Variants in ANTXR2 observed in about 807,000 individuals in gnomAD.
ANTXR2 encodes the protein anthrax toxin receptor 2.
In ANTXR2, 44 loss-of-function variants were observed where a neutral mutation model predicts 73.7. That is an observed-to-expected ratio of 0.60 (90% CI 0.47 to 0.77). The LOEUF is 0.77. Among genes scored for constraint, ANTXR2 ranks in the 30% least tolerant of loss-of-function variants. The probability of loss-of-function intolerance (pLI) is 0.00; values close to 1 mark genes in which losing one functional copy is unlikely to be tolerated. For missense variants in ANTXR2, 604 were observed against 592.5 expected, an observed-to-expected ratio of 1.02 and a Z score of -0.20; for synonymous variants, 217 against 205.9, an observed-to-expected ratio of 1.05 and a Z score of -0.46.
intron 12 of ANTXR2, among the ~76,000 whole-genome samples, chr4:80,005,350 A>T (rs1731252528): frequency 6.6e-6 from 1 of 152,176 alleles, no homozygotes; most frequent in Admixed American, 6.6e-5. Flanking sequence ...AGAAATTTGC[A>T]CAACACCACG....
rs950973441 is a variant in ANTXR2, at chr4:80,051,726, G to T, written c.636+2546C>A. 3.3e-5 allele frequency among the ~76,000 whole-genome samples: 5 copies of T among 151,728 alleles called. No individual in the cohort carries two copies. In the South Asian group the frequency reaches 8.3e-4, roughly 25 times the overall value. ...AACGTGCAGGATGTTCATAACAAAG[G>T]CCTTTTTCAGCCCCTTGATTTTTGA... is the stretch of plus-strand genomic sequence containing the variant. On this transcript the variant is annotated intron_variant, in intron 7 of 16. Transcript: ENST00000403729.
chr4:79,915,852 C>CTATATATATA (rs1394190065), intron 16 of ANTXR2, among the ~76,000 whole-genome samples: 2 of 115,648 alleles, frequency 1.7e-5, no homozygotes, highest in Non-Finnish European at 4.0e-5. Context: ...CTCTCTCTCT[C>CTATATATATA]TCTCTCTCTC....
chr4:80,049,460 T>C (rs56012235), intron 7 of ANTXR2, among the ~76,000 whole-genome samples: 6,795 of 151,716 alleles, frequency 0.045, 187 homozygotes, highest in Middle Eastern at 0.11. Context: ...AAAGAGAATA[T>C]ATATATGTGC....
At chr4:80,033,886 C>A (rs1252557368) in intron 8 of ANTXR2, among the ~76,000 whole-genome samples, 2 of 152,014 alleles carry the variant, frequency 1.3e-5, no homozygotes, top group Non-Finnish European at 2.9e-5. Flanking sequence ...ACTATACAAA[C>A]CTCCTCAACT....
Position 80,003,327 on chromosome 4 carries a change from C to T in ANTXR2, c.1041+5194G>A, listed in dbSNP as rs57340380. Among the ~76,000 whole-genome samples the T allele has an allele frequency of 6.4e-3, 926 of 144,344 alleles. 4 individuals carry two copies. The highest frequency in any genetic ancestry group is 0.022 in the African/African-American group (846 of 39,322). The allele number at this position is 144,344 out of a possible 152,430, so 94.7% of individuals were successfully genotyped here. A position where few individuals can be genotyped will look rare whatever the true frequency, so the allele number is the denominator to read the frequency against. On this transcript the variant is annotated intron_variant, in intron 12 of 16. Transcript: ENST00000403729. The stretch of plus-strand genomic sequence containing the variant: ...ATCGCAAGAACAAAAAACCAAACAC[C>T]GCATATTCTCACTCATAGGTGGGAA...
chr4:80,071,007 G>A (rs1734760811), intron 2 of ANTXR2, among the ~76,000 whole-genome samples: 2 of 152,144 alleles, frequency 1.3e-5, no homozygotes, highest in South Asian at 4.1e-4. Context: ...CTTTTTATAG[G>A]AGAGGAAACC....
intron 7 of ANTXR2, 57 bp downstream of exon 7, chr4:80,054,215 T>G: frequency 1.5e-6 from 2 of 1,358,150 alleles, no homozygotes; most frequent in Middle Eastern, 1.8e-4. Context: ...TTACTTCTTA[T>G]AGATTAAAAA....
chr4:80,000,447 G>T (rs1345453268), intron 12 of ANTXR2, among the ~76,000 whole-genome samples: 2 of 152,004 alleles, frequency 1.3e-5, no homozygotes, highest in African/African-American at 4.8e-5. Flanking sequence ...TAAGAATTGG[G>T]ATAGGTGAAG....
intron 12 of ANTXR2, among the ~76,000 whole-genome samples, chr4:80,007,814 C>T (rs560309737): frequency 6.6e-6 from 1 of 152,152 alleles, no homozygotes; most frequent in Non-Finnish European, 1.5e-5. Flanking sequence ...AAACACATCC[C>T]TTCCAACACA....
intron 16 of ANTXR2, among the ~76,000 whole-genome samples, chr4:79,961,686 C>T (rs1251922202): frequency 2.0e-5 from 3 of 152,156 alleles, no homozygotes; most frequent in Admixed American, 2.0e-4. Context: ...GGGATTCTCT[C>T]ATCTCTGCCT....
rs1726757335 is a variant in ANTXR2 at position 79,902,777 on chromosome 4, A to G, written c.*4652T>C. ...TACAGAACTAATATTACCACACACT[A>G]CAGACAAAGAAGCCAGTCATATTGA... On this transcript the variant is annotated 3_prime_UTR_variant, in exon 17 of 17. Transcript: ENST00000403729. 1 of 151,284 alleles carries G rather than the reference A, an allele frequency of 6.6e-6. No individual in the cohort carries two copies. The highest frequency in any genetic ancestry group is 2.1e-4 in the South Asian group (1 of 4,800). 9.4% of individuals were successfully genotyped at this position (151,284 alleles called of 1,614,324 possible). A position where few individuals can be genotyped will look rare whatever the true frequency, so the allele number is the denominator to read the frequency against.
Position 80,041,157 on chromosome 4 carries a change from G to A in ANTXR2, c.637-5125C>T, listed in dbSNP as rs1347962835. Among the ~76,000 whole-genome samples the A allele has an allele frequency of 2.0e-5, 3 of 152,094 alleles. No individual in the cohort carries two copies. The East Asian group carries it at 5.8e-4, about 30-fold the overall frequency. On this transcript the variant is annotated intron_variant, in intron 7 of 16. Coordinates refer to ENST00000403729, the MANE Select transcript of ANTXR2 (RefSeq NM_058172.6). ...TGATGAGGAAACTGGGGCTTAGAAAGATTTTTTTAACTGCCCTAGAAGAAT... is the reference window on the plus strand; with the variant it reads ...TGATGAGGAAACTGGGGCTTAGAAAAATTTTTTTAACTGCCCTAGAAGAAT...
At chr4:79,990,739 A>C (rs1730431576) in intron 12 of ANTXR2, among the ~76,000 whole-genome samples, 1 of 152,146 alleles carries the variant, frequency 6.6e-6, no homozygotes, top group South Asian at 2.1e-4. Context: ...ACTATGCTAC[A>C]AGGCTAGAGT....
chr4:80,049,609 T>C (rs147115447), intron 7 of ANTXR2, among the ~76,000 whole-genome samples: 88 of 151,818 alleles, frequency 5.8e-4, no homozygotes, highest in African/African-American at 2.0e-3. Context: ...CAAGCTCAAA[T>C]CAACTTCCCC....
At chr4:79,995,115 G>T (rs908008688) in intron 12 of ANTXR2, among the ~76,000 whole-genome samples, 10 of 151,958 alleles carry the variant, frequency 6.6e-5, no homozygotes, top group African/African-American at 2.4e-4. Context: ...ATATGTTGCT[G>T]CACAGTTGAA....
chr4:79,933,735 G>GTTTTTT (rs10689799), intron 16 of ANTXR2, among the ~76,000 whole-genome samples: 1 of 68,946 alleles, frequency 1.5e-5, no homozygotes, highest in Non-Finnish European at 2.5e-5. Context: ...TGGTGTGTTT[G>GTTTTTT]TTTTTTTTTT....
chr4:79,954,759 C>T (rs529106824), intron 16 of ANTXR2, among the ~76,000 whole-genome samples: 98 of 151,984 alleles, frequency 6.4e-4, no homozygotes, highest in Middle Eastern at 3.4e-3. Context: ...GTTTTTTAAA[C>T]GCATTCAGAA....
At chr4:79,974,534 C>T (rs906706574) in intron 16 of ANTXR2, among the ~76,000 whole-genome samples, 7 of 151,764 alleles carry the variant, frequency 4.6e-5, no homozygotes, top group African/African-American at 1.7e-4. Context: ...GAAAGTTTTA[C>T]CCTACATTTG....
intron 16 of ANTXR2, among the ~76,000 whole-genome samples, chr4:79,936,954 A>G (rs1465163027): frequency 6.6e-6 from 1 of 152,194 alleles, no homozygotes; most frequent in Non-Finnish European, 1.5e-5. Flanking sequence ...GCTAGGCAGA[A>G]AGTCAGCAAG....
Sources: allele counts gnomAD v4.1 joint callset (sites outside exome capture counted in the v4.1 genomes callset), GRCh38; gene constraint gnomAD v4.1.1; transcripts MANE v1.5; gene names NCBI Gene and HGNC (gene_info 2026-07-23, HGNC 2026-07-21).